The following PDE11A variants were observed in gnomAD, a reference collection of about 807,000 sequenced individuals.
The protein encoded by PDE11A is dual 3',5'-cyclic-AMP and -GMP phosphodiesterase 11A.
In PDE11A, 100 loss-of-function variants were observed where a neutral mutation model predicts 100.5. The observed-to-expected ratio is 1.00, with a 90% confidence interval of 0.85 to 1.18. PDE11A has a LOEUF of 1.18. Among genes scored for constraint, PDE11A ranks in the 50% most tolerant of loss-of-function variants. The pLI, the probability that PDE11A is intolerant of heterozygous loss-of-function variation, is 0.00. For synonymous variants in PDE11A, 381 were observed against 420.8 expected (o/e 0.91, Z 1.16); for missense variants, 1,141 against 1,152.6 (o/e 0.99, Z 0.15).
intron 2 of PDE11A, among the ~76,000 whole-genome samples, chr2:177,910,892 A>G (rs1559002673): frequency 6.6e-6 from 1 of 152,214 alleles, no homozygotes; most frequent in Non-Finnish European, 1.5e-5. Flanking sequence ...CCAATTATAC[A>G]TCATTGAAGA....
At chr2:177,689,159 C>G (rs748205594) in intron 15 of PDE11A, among the ~76,000 whole-genome samples, 7 of 152,002 alleles carry the variant, frequency 4.6e-5, no homozygotes, top group Non-Finnish European at 7.4e-5. Context: ...CTCGGCTCAC[C>G]GCAACCTCCT....
At position 177,998,934 on chromosome 2, in the gene PDE11A, C is replaced by T. The variant is rs180890792; in HGVS notation, c.1071+15368G>A. ...CATCCATGGCAACAAGCCACATCAT[C>T]CGGATCAAATCTTAAAACAATGGGC... On this transcript the variant is annotated intron_variant, in intron 2 of 19. Transcript: ENST00000286063. Among the ~76,000 whole-genome samples, 6 of 152,298 alleles carry T rather than the reference C, an allele frequency of 3.9e-5. No individual in the cohort carries two copies. The East Asian group carries it at 1.2e-3, about 29-fold the overall frequency.
intron 5 of PDE11A, 42 bp from the exon 6 acceptor site, chr2:177,840,425 G>A (rs181375011): frequency 1.6e-5 from 25 of 1,599,852 alleles, no homozygotes; most frequent in Admixed American, 6.7e-5. Context: ...AGAGAGAAAC[G>A]TAAGTTTTCT....
chr2:177,993,469 G>T (rs966038027), intron 2 of PDE11A, among the ~76,000 whole-genome samples: 2 of 152,030 alleles, frequency 1.3e-5, no homozygotes, highest in Non-Finnish European at 2.9e-5. Flanking sequence ...AGTGTGCATG[G>T]TTCTTAAAAT....
intron 1 of PDE11A, among the ~76,000 whole-genome samples, chr2:178,026,541 A>G (rs1403466230): frequency 6.6e-6 from 1 of 151,876 alleles, no homozygotes; most frequent in Non-Finnish European, 1.5e-5. Flanking sequence ...GGAACCTGTA[A>G]TTCCAGCTAC....
chr2:178,028,445 C>T (rs2086506161), intron 1 of PDE11A, among the ~76,000 whole-genome samples: 1 of 152,162 alleles, frequency 6.6e-6, no homozygotes, highest in Non-Finnish European at 1.5e-5. Flanking sequence ...TGTAAATAAT[C>T]TGGATAAATA....
chr2:177,867,170 T>C (rs551043781), intron 5 of PDE11A, among the ~76,000 whole-genome samples: 2 of 152,222 alleles, frequency 1.3e-5, no homozygotes, highest in East Asian at 3.9e-4. Flanking sequence ...TTGAAAGTCA[T>C]GATCTAAGGG....
chr2:178,107,721 C>CTTTTTTTT (rs1159976078), intron 1 of PDE11A, among the ~76,000 whole-genome samples: 1 of 123,050 alleles, frequency 8.1e-6, no homozygotes, highest in African/African-American at 3.0e-5. Flanking sequence ...CTTTTTTTTT[C>CTTTTTTTT]TTTTTTTTTT....
chr2:177,843,040 G>T (rs1177510483), intron 5 of PDE11A, among the ~76,000 whole-genome samples: 1 of 152,154 alleles, frequency 6.6e-6, no homozygotes, highest in African/African-American at 2.4e-5. Flanking sequence ...TGGTAATAAA[G>T]GGGGAAGGGA....
intron 4 of PDE11A, among the ~76,000 whole-genome samples, chr2:177,877,400 G>A (rs1280136311): frequency 6.6e-6 from 1 of 152,054 alleles, no homozygotes; most frequent in Non-Finnish European, 1.5e-5. Context: ...CCTCACCCCA[G>A]ATGAGGCACA....
chr2:177,808,291 A>G (rs977640692), intron 9 of PDE11A, among the ~76,000 whole-genome samples: 2 of 152,184 alleles, frequency 1.3e-5, no homozygotes, highest in African/African-American at 4.8e-5. Flanking sequence ...TATTCCTTGT[A>G]CCTGTGAATC....
rs549964866 is a variant in PDE11A, at chr2:177,816,785, T to C, written c.1737+44A>G. 6.5e-5 allele frequency: 73 copies of C among 1,119,544 alleles called. No homozygotes were observed. The South Asian group carries it at 9.0e-4, about 14-fold the overall frequency. The allele number at this position is 1,119,544 out of a possible 1,614,324, so 69.4% of individuals were successfully genotyped here. Reference sequence around the variant, plus strand: ...CAGGGAAATTTTTTCCCTCATAAAATTAGAGCTGACAGCATACAAACCTGA... The same window carrying C: ...CAGGGAAATTTTTTCCCTCATAAAACTAGAGCTGACAGCATACAAACCTGA... On this transcript the variant is annotated intron_variant, in intron 9 of 19. Transcript: ENST00000286063.
intron 19 of PDE11A, among the ~76,000 whole-genome samples, chr2:177,643,496 A>G (rs1482875161): frequency 1.3e-5 from 2 of 152,210 alleles, no homozygotes; most frequent in East Asian, 3.9e-4. Flanking sequence ...AGAAATTTCT[A>G]AGCAGCAAAG....
intron 9 of PDE11A, among the ~76,000 whole-genome samples, chr2:177,777,605 C>G (rs921303706): frequency 6.6e-6 from 1 of 152,156 alleles, no homozygotes; most frequent in East Asian, 1.9e-4. Context: ...CTAGGTTCAT[C>G]ATACATTTTT....
At chr2:177,878,188 T>C (rs143002902) in intron 4 of PDE11A, among the ~76,000 whole-genome samples, 69 of 152,334 alleles carry the variant, frequency 4.5e-4, no homozygotes, top group Middle Eastern at 3.4e-3. Flanking sequence ...TTTCATATTG[T>C]AATATGAATT....
At chr2:178,018,713 T>C (rs1412566478) in intron 1 of PDE11A, among the ~76,000 whole-genome samples, 1 of 152,088 alleles carries the variant, frequency 6.6e-6, no homozygotes, top group Admixed American at 6.6e-5. Context: ...TGCCCAGCTA[T>C]TCTTTTTTAT....
At chr2:178,041,624 C>T (rs1244078691) in intron 1 of PDE11A, among the ~76,000 whole-genome samples, 1 of 152,098 alleles carries the variant, frequency 6.6e-6, no homozygotes, top group Non-Finnish European at 1.5e-5. Flanking sequence ...CTACAATGAG[C>T]TATTTTCACA....
At position 177,841,466 on chromosome 2, in the gene PDE11A, T is replaced by C. The variant is rs73038286; in HGVS notation, c.1368-1083A>G. Among the ~76,000 whole-genome samples, 1,388 of 152,344 alleles carry C rather than the reference T, an allele frequency of 9.1e-3. 16 individuals are homozygous for C. Among genetic ancestry groups the C allele is most frequent in the African/African-American group, 0.031 (1,308 of 41,572 alleles). ...AATAATCATCACTCTATTGACTTTTTAATCTAAACTGCACTATATGTAAGA... is the reference window on the plus strand; with the variant it reads ...AATAATCATCACTCTATTGACTTTTCAATCTAAACTGCACTATATGTAAGA... On this transcript the variant is annotated intron_variant, in intron 5 of 19. Coordinates refer to ENST00000286063, the MANE Select transcript of PDE11A (RefSeq NM_016953.4).
At chr2:178,015,165 T>G (rs1031311466) in intron 1 of PDE11A, among the ~76,000 whole-genome samples, 1 of 152,142 alleles carries the variant, frequency 6.6e-6, no homozygotes, top group Non-Finnish European at 1.5e-5. Flanking sequence ...AAAGGTGTCT[T>G]TGTAGTGAAT....
Sources: gnomAD v4.1 joint callset for allele counts (sites outside exome capture counted in the v4.1 genomes callset) on GRCh38, gnomAD v4.1.1 for gene constraint, MANE v1.5 for transcripts, NCBI Gene and HGNC (gene_info 2026-07-23, HGNC 2026-07-21) for gene names.